The following RDH10 variants were observed in gnomAD, a reference collection of about 807,000 sequenced individuals.
RDH10 encodes retinol dehydrogenase 10.
A neutral mutation model predicts 30.2 loss-of-function variants in RDH10; 12 were observed. The ratio of observed to expected loss-of-function variants is 0.40; its 90% CI spans 0.25 to 0.64. The LOEUF is 0.64. Ranked by LOEUF, RDH10 falls within the 30% of genes least tolerant of loss-of-function variation. RDH10 has a pLI of 0.43. For synonymous variants in RDH10, 189 were observed against 172.2 expected (o/e 1.10, Z -0.76); for missense variants, 268 against 445.2 (o/e 0.60, Z 3.58).
rs1485099756 is a variant in RDH10 at position 73,297,198 on chromosome 8, G to A, written c.294G>A (p.Gly98=). The A allele has an allele frequency of 6.3e-7, 1 of 1,598,624 alleles. No homozygotes were observed. The highest frequency in any genetic ancestry group is 8.6e-7 in the Non-Finnish European group (1 of 1,165,842). The part of the protein sequence containing the change: ...EAADAAALQA[G]NGEEEILPHC... ...CATCTGGACTTCTGAGGACAGCTGG[G>A]AATGGTGAGGAAGAAATTCTGCCCC... The change falls in exon 2 of 6, where the codon GGG becomes GGA. Residue 98 remains glycine (G), a synonymous_variant. Transcript: ENST00000240285.
At chr8:73,306,302 C>T (rs1272421495) in intron 2 of RDH10, among the ~76,000 whole-genome samples, 2 of 152,238 alleles carry the variant, frequency 1.3e-5, no homozygotes, top group Non-Finnish European at 2.9e-5. Flanking sequence ...GGACGCAAAC[C>T]TTTTCATGTG....
chr8:73,302,547 T>C (rs1380785498), intron 2 of RDH10, among the ~76,000 whole-genome samples: 3 of 151,996 alleles, frequency 2.0e-5, no homozygotes, highest in Non-Finnish European at 4.4e-5. Context: ...TAGCTGGGCG[T>C]GGTGGCACGT....
intron 2 of RDH10, among the ~76,000 whole-genome samples, chr8:73,307,989 G>C (rs547769724): frequency 5.3e-4 from 80 of 152,254 alleles, no homozygotes; most frequent in Admixed American, 2.4e-3. Flanking sequence ...GGCCTTTTCT[G>C]TACTTTTCCA....
intron 2 of RDH10, chr8:73,313,243 A>C (rs888859571): frequency 6.6e-6 from 1 of 152,238 alleles, no homozygotes; most frequent in Non-Finnish European, 1.5e-5. Context: ...AATTTGGCGT[A>C]AACTTTACTT....
At chr8:73,321,216 G>T in intron 4 of RDH10, 139 bp downstream of exon 4, 1 of 815,538 alleles carries the variant, frequency 1.2e-6, no homozygotes, top group South Asian at 2.0e-5. Context: ...TGTAAAGTTT[G>T]TAAAATTGGT....
In RDH10 at chr8:73,298,318, G is replaced by A. The variant is rs773228898; in HGVS notation, c.525+889G>A. On this transcript the variant is annotated intron_variant, in intron 2 of 5. Coordinates refer to ENST00000240285, the MANE Select transcript of RDH10 (RefSeq NM_172037.5). ...GATTCTACTTTTTTTTTCCATAGGC[G>A]GATTAGCCTTCTAATAGAACACAAC... Among the ~76,000 whole-genome samples the A allele has an allele frequency of 2.1e-4, 32 of 152,006 alleles. 1 individual carries two copies. Among genetic ancestry groups the A allele is most frequent in the Admixed American group, 8.5e-4 (13 of 15,292 alleles).
chr8:73,311,143 G>C (rs930413532), intron 2 of RDH10: 2 of 152,084 alleles, frequency 1.3e-5, no homozygotes, highest in Non-Finnish European at 2.9e-5. Context: ...AATAATTGTT[G>C]AATCTAAATC....
At position 73,297,282 on chromosome 8, in the gene RDH10, C is replaced by T. The variant is rs779924573; in HGVS notation, c.378C>T (p.Tyr126=). The stretch of plus-strand genomic sequence containing the variant: ...ACGTGGGGAAGAGGGAGAACGTCTA[C>T]CTGACGGCTGAAAGAGTCCGCAAGG... ...TCDVGKRENV[Y]LTAERVRKEV... Residue 126 remains tyrosine (Y), a synonymous_variant, in exon 2 of 6, where the codon TAC becomes TAT. Coordinates refer to ENST00000240285, the MANE Select transcript of RDH10 (RefSeq NM_172037.5). 1 of 1,614,110 alleles carries T rather than the reference C, an allele frequency of 6.2e-7. No homozygotes were observed. Among genetic ancestry groups the T allele is most frequent in the Non-Finnish European group, 8.5e-7 (1 of 1,179,940 alleles).
At chr8:73,322,468 C>T in intron 4 of RDH10, 1 of 485,982 alleles carries the variant, frequency 2.1e-6, no homozygotes, top group Non-Finnish European at 3.6e-6. Context: ...ACCAATTTTG[C>T]TTTTTTTTCC....
At position 73,324,263 on chromosome 8, in the gene RDH10, G is replaced by T. The variant is rs1294345609; in HGVS notation, c.*1227G>T. ...AAGGGTGTAAAGATTCTTTTGAAAG[G>T]TTTATTCACATTGTAGAACAGCAAA... On this transcript the variant is annotated 3_prime_UTR_variant, in exon 6 of 6. Coordinates refer to ENST00000240285, the MANE Select transcript of RDH10 (RefSeq NM_172037.5). 1 of 152,620 alleles carries T rather than the reference G, an allele frequency of 6.6e-6. No homozygotes were observed. The highest frequency in any genetic ancestry group is 1.5e-5 in the Non-Finnish European group (1 of 68,024). The allele number at this position is 152,620 out of a possible 1,614,324, so 9.5% of individuals were successfully genotyped here.
chr8:73,296,922 C>T (rs1050597254), intron 1 of RDH10: 17 of 412,808 alleles, frequency 4.1e-5, no homozygotes, highest in Non-Finnish European at 6.4e-5. Flanking sequence ...CAAGCTGATC[C>T]CATGTGGTCT....
intron 2 of RDH10, among the ~76,000 whole-genome samples, chr8:73,310,292 A>G (rs763978237): frequency 6.6e-6 from 1 of 152,268 alleles, no homozygotes; most frequent in Non-Finnish European, 1.5e-5. Context: ...TAAAAACAGA[A>G]TAAGTTTTCA....
In RDH10 at chr8:73,319,117, A is replaced by G; in HGVS notation, c.547A>G (p.Thr183Ala). ...HFWTTKAFLPTMLEINHGHIV... is the reference protein window; with the variant it reads ...HFWTTKAFLPAMLEINHGHIV... ...TCAGACCACTAAGGCTTTTCTTCCT[A>G]CGATGCTGGAGATTAATCATGGTCA... Residue 183 changes from threonine to alanine, a missense_variant, in exon 3 of 6, where the codon ACG becomes GCG. Thr to Ala is a moderately conservative substitution (Grantham distance 58). Coordinates refer to ENST00000240285, the MANE Select transcript of RDH10 (RefSeq NM_172037.5). The G allele has an allele frequency of 2.5e-6, 4 of 1,612,916 alleles. No individual in the cohort carries two copies. The highest frequency in any genetic ancestry group is 4.5e-5 in the East Asian group (2 of 44,858).
intron 2 of RDH10, among the ~76,000 whole-genome samples, chr8:73,305,270 T>C (rs566707344): frequency 1.2e-4 from 18 of 152,358 alleles, no homozygotes; most frequent in African/African-American, 3.6e-4. Flanking sequence ...ATTTTTGAGA[T>C]CTTTGGGAAA....
At position 73,295,149 on chromosome 8, in the gene RDH10, G is replaced by A. The variant is rs1814235768; in HGVS notation, c.-141G>A. The A allele has an allele frequency of 6.8e-6, 5 of 738,030 alleles. No individual in the cohort carries two copies. Among genetic ancestry groups the A allele is most frequent in the East Asian group, 6.9e-5 (2 of 28,862 alleles). 45.7% of individuals were successfully genotyped at this position (738,030 alleles called of 1,614,324 possible). ...CGGCGCCGCGCACTCCAACCCGGCGGGCACCTCGGGGGCGGGCGCGGGGCG... is the reference window on the plus strand; with the variant it reads ...CGGCGCCGCGCACTCCAACCCGGCGAGCACCTCGGGGGCGGGCGCGGGGCG... On this transcript the variant is annotated 5_prime_UTR_variant, in exon 1 of 6. Transcript: ENST00000240285.
At chr8:73,307,135 C>T (rs1814478038) in intron 2 of RDH10, among the ~76,000 whole-genome samples, 1 of 152,134 alleles carries the variant, frequency 6.6e-6, no homozygotes. Context: ...GCGATTTTTA[C>T]TTATAACAGT....
At chr8:73,313,524 T>A (rs1309800098) in intron 2 of RDH10, 1 of 152,148 alleles carries the variant, frequency 6.6e-6, no homozygotes, top group East Asian at 1.9e-4. Flanking sequence ...GGTATTGGAA[T>A]CTTGTGATCA....
chr8:73,308,603 G>C (rs1429384711), intron 2 of RDH10, among the ~76,000 whole-genome samples: 1 of 152,118 alleles, frequency 6.6e-6, no homozygotes, highest in Non-Finnish European at 1.5e-5. Context: ...AAGTCTTTTA[G>C]GTTTCTTCTT....
chr8:73,314,967 CCT>C (rs1814633519), intron 2 of RDH10, among the ~76,000 whole-genome samples: 1 of 152,158 alleles, frequency 6.6e-6, no homozygotes, highest in Admixed American at 6.5e-5. Context: ...AAATAATCTC[CCT>C]CTCAAAAGAA....
Sources: gnomAD v4.1 joint callset for allele counts (sites outside exome capture counted in the v4.1 genomes callset) on GRCh38, gnomAD v4.1.1 for gene constraint, MANE v1.5 for transcripts, NCBI Gene and HGNC (gene_info 2026-07-23, HGNC 2026-07-21) for gene names.